Variants in SLIT1 observed in about 807,000 individuals in gnomAD.
SLIT1 encodes slit homolog 1 protein.
Under a neutral mutation model 186.1 loss-of-function variants are expected in SLIT1, and 66 were observed. The observed-to-expected ratio is 0.35, with a 90% CI of 0.29 to 0.44. The LOEUF is 0.44. SLIT1 is among the 20% of genes least tolerant of loss of function. The probability of loss-of-function intolerance (pLI) is 1.00; values close to 1 mark genes in which losing one functional copy is unlikely to be tolerated. For synonymous variants in SLIT1, 761 were observed against 833.8 expected, an observed-to-expected ratio of 0.91 and a Z score of 1.50; for missense variants, 1,638 against 2,037.4, an observed-to-expected ratio of 0.80 and a Z score of 3.77.
intron 31 of SLIT1, among the ~76,000 whole-genome samples, chr10:97,007,611 G>A (rs781469455): frequency 3.3e-5 from 5 of 151,988 alleles, no homozygotes; most frequent in Non-Finnish European, 5.9e-5. Flanking sequence ...TGAGATTTAC[G>A]CCAGGAATGC....
Position 97,064,814 on chromosome 10 carries a change from A to G in SLIT1, c.548T>C (p.Leu183Pro). The part of the protein sequence containing the change: ...EEGAFRALRG[L>P]EVLTLNNNNI... ...TCCATGCTTTACTTACAGCACCTCC[A>G]GCCCCCGCAGAGCACGGAAGGCCCC... is the stretch of plus-strand genomic sequence containing the variant. Residue 183 changes from leucine to proline, a missense_variant, in exon 6 of 37, where the codon CTG becomes CCG. Leu to Pro is a moderately conservative substitution (Grantham distance 98). Transcript: ENST00000266058. 6.2e-7 allele frequency: 1 copy of G among 1,610,426 alleles called. No homozygotes were observed. Among genetic ancestry groups the G allele is most frequent in the Non-Finnish European group, 8.5e-7 (1 of 1,178,188 alleles).
At chr10:97,071,641 T>C (rs1168846823) in intron 4 of SLIT1, among the ~76,000 whole-genome samples, 1 of 152,148 alleles carries the variant, frequency 6.6e-6, no homozygotes, top group Non-Finnish European at 1.5e-5. Flanking sequence ...GCATGCACCA[T>C]GTGACCACAT....
In SLIT1 at chr10:97,006,379, C is replaced by T; in HGVS notation, c.3579+104G>A. 1 of 757,112 alleles carries T rather than the reference C, an allele frequency of 1.3e-6. No homozygotes were observed. Among genetic ancestry groups the T allele is most frequent in the Non-Finnish European group, 2.3e-6 (1 of 442,682 alleles). 46.9% of individuals were successfully genotyped at this position (757,112 alleles called of 1,614,324 possible). ...AACGTTTTGATTACACAGAGTCCTT[C>T]CAGTTCCCCAGGCACCATGCAGGGA... On this transcript the variant is annotated intron_variant, in intron 32 of 36. Transcript: ENST00000266058. This position sits in a 1 kb window ranked among gnomAD's most constrained non-coding sequence, Gnocchi z 4.0.
Position 97,021,295 on chromosome 10 carries a change from C to T in SLIT1, c.2701G>A (p.Gly901Ser). The T allele has an allele frequency of 6.2e-7, 1 of 1,614,184 alleles. No homozygotes were observed. The highest frequency in any genetic ancestry group is 1.1e-5 in the South Asian group (1 of 91,082). Residue 901 changes from glycine (G) to serine (S), a missense_variant, in exon 26 of 37, where the codon GGC (glycine) becomes AGC (serine). Physicochemically the swap from Gly to Ser is moderately conservative, Grantham distance 56 (BLOSUM62 0). Coordinates refer to ENST00000266058, the MANE Select transcript of SLIT1 (RefSeq NM_003061.3). This position sits in a 1 kb window ranked among gnomAD's most constrained non-coding sequence, Gnocchi z 4.5. ...ARCAGPQDME[G>S]KLLLTTPAKK... ...GCAGGCGTGGTGAGGAGCAGCTTGCCCTCCATGTCCTGGGGCCCAGCACAA... is the reference window on the plus strand; with the variant it reads ...GCAGGCGTGGTGAGGAGCAGCTTGCTCTCCATGTCCTGGGGCCCAGCACAA...
At chr10:97,111,859 A>T (rs1307334869) in intron 4 of SLIT1, among the ~76,000 whole-genome samples, 2 of 151,868 alleles carry the variant, frequency 1.3e-5, no homozygotes, top group Non-Finnish European at 2.9e-5. Flanking sequence ...TGAAAATAAG[A>T]CTCGGGTGTC....
At chr10:97,121,953 G>A (rs1456729864) in intron 4 of SLIT1, among the ~76,000 whole-genome samples, 1 of 152,150 alleles carries the variant, frequency 6.6e-6, no homozygotes, top group Non-Finnish European at 1.5e-5. Flanking sequence ...AATCTTATCA[G>A]GCAAGTAACA....
At chr10:97,014,629 G>T (rs1158480539) in intron 28 of SLIT1, among the ~76,000 whole-genome samples, 8 of 152,342 alleles carry the variant, frequency 5.3e-5, no homozygotes, top group Admixed American at 4.6e-4. Context: ...CACTTTGGGA[G>T]GCCAAGGCAG....
chr10:97,008,889 TTA>T (rs1589361375), intron 31 of SLIT1, among the ~76,000 whole-genome samples: 1 of 151,502 alleles, frequency 6.6e-6, no homozygotes, highest in East Asian at 1.9e-4. Flanking sequence ...TTTATTATTA[TTA>T]TTTTTTGAGA....
chr10:97,029,838 T>C (rs1848576101), intron 25 of SLIT1, among the ~76,000 whole-genome samples: 1 of 152,224 alleles, frequency 6.6e-6, no homozygotes, highest in African/African-American at 2.4e-5. Flanking sequence ...TTTGTCTCTA[T>C]GAATTTGACT....
At chr10:97,109,710 C>G (rs563009984) in intron 4 of SLIT1, among the ~76,000 whole-genome samples, 98 of 152,084 alleles carry the variant, frequency 6.4e-4, no homozygotes, top group Non-Finnish European at 1.1e-3. Flanking sequence ...GGGTGAGGGG[C>G]GGGTCTGGCG....
intron 4 of SLIT1, among the ~76,000 whole-genome samples, chr10:97,106,809 T>C (rs2134675941): frequency 6.6e-6 from 1 of 152,296 alleles, no homozygotes; most frequent in African/African-American, 2.4e-5. Context: ...GTTCATACTT[T>C]GATAACTGAA....
In SLIT1 at chr10:97,056,844, A is replaced by G. The variant is rs556925007; in HGVS notation, c.1157+366T>C. Among the ~76,000 whole-genome samples, 7 of 152,238 alleles carry G rather than the reference A, an allele frequency of 4.6e-5. No individual in the cohort carries two copies. In the South Asian group the frequency reaches 1.5e-3, roughly 32 times the overall value. ...GAGCATTTGTGTTCTATGCCTCTTGAGCCCTGGGAGACAATCCCTGCCTGA... is the reference window on the plus strand; with the variant it reads ...GAGCATTTGTGTTCTATGCCTCTTGGGCCCTGGGAGACAATCCCTGCCTGA... On this transcript the variant is annotated intron_variant, in intron 12 of 36. Transcript: ENST00000266058.
rs546380181 is a variant in SLIT1, at chr10:97,179,048, C to T, written c.197+6430G>A. 8.2e-4 allele frequency among the ~76,000 whole-genome samples: 125 copies of T among 152,212 alleles called. 1 individual carries two copies. Among genetic ancestry groups the T allele is most frequent in the Non-Finnish European group, 1.2e-3 (84 of 68,018 alleles). On this transcript the variant is annotated intron_variant, in intron 1 of 36. Coordinates refer to ENST00000266058, the MANE Select transcript of SLIT1 (RefSeq NM_003061.3). ...AAACTCCCTTACCCTCGCTTCGCCT[C>T]GCTACTTAACCTAAGTCTTGCCCAG...
At chr10:97,076,658 C>G (rs1849048910) in intron 4 of SLIT1, among the ~76,000 whole-genome samples, 1 of 152,216 alleles carries the variant, frequency 6.6e-6, no homozygotes, top group Non-Finnish European at 1.5e-5. Flanking sequence ...TTCTGGAGAG[C>G]ATTCGATGAT....
intron 1 of SLIT1, among the ~76,000 whole-genome samples, chr10:97,180,325 G>A (rs1210313990): frequency 6.6e-6 from 1 of 152,228 alleles, no homozygotes; most frequent in Non-Finnish European, 1.5e-5. Context: ...TAATCCTCAT[G>A]ACCACCCTTT....
At chr10:97,162,098 C>T (rs914080504) in intron 3 of SLIT1, among the ~76,000 whole-genome samples, 1 of 152,200 alleles carries the variant, frequency 6.6e-6, no homozygotes, top group Admixed American at 6.5e-5. Context: ...CTATAATCCA[C>T]CACTCACTAT....
At chr10:97,056,859 T>A (rs1427780025) in intron 12 of SLIT1, among the ~76,000 whole-genome samples, 1 of 152,160 alleles carries the variant, frequency 6.6e-6, no homozygotes, top group Non-Finnish European at 1.5e-5. Flanking sequence ...TGGGAGACAA[T>A]CCCTGCCTGA....
At chr10:97,092,857 C>T (rs1327394636) in intron 4 of SLIT1, among the ~76,000 whole-genome samples, 2 of 152,218 alleles carry the variant, frequency 1.3e-5, no homozygotes, top group Non-Finnish European at 2.9e-5. Flanking sequence ...GTGCCAGGCT[C>T]CGTGCTAAGT....
At chr10:97,099,589 C>T (rs1369961113) in intron 4 of SLIT1, among the ~76,000 whole-genome samples, 1 of 152,168 alleles carries the variant, frequency 6.6e-6, no homozygotes, top group Non-Finnish European at 1.5e-5. Flanking sequence ...GGCCTGGCCC[C>T]CTTTCTCTGC....
Sources: allele counts gnomAD v4.1 joint callset (sites outside exome capture counted in the v4.1 genomes callset), GRCh38; gene constraint gnomAD v4.1.1; non-coding constraint Gnocchi (gnomAD v3.1); transcripts MANE v1.5; gene names NCBI Gene and HGNC (gene_info 2026-07-23, HGNC 2026-07-21).